The following MAD1L1 variants were observed in gnomAD, a reference collection of about 807,000 sequenced individuals.
MAD1L1 encodes the protein mitotic arrest deficient 1 like 1.
In MAD1L1, 95 loss-of-function variants were observed where a neutral mutation model predicts 96.9. That is an observed-to-expected ratio of 0.98 (90% CI 0.83 to 1.16). The LOEUF (loss-of-function observed/expected upper bound fraction) is 1.16, where lower values mean the gene tolerates loss of function less well. MAD1L1 is among the 50% of genes most tolerant of loss of function. The pLI is 0.00. For missense variants in MAD1L1, 1,007 were observed against 954.4 expected (o/e 1.06, Z -0.73); for synonymous variants, 473 against 396.6 (o/e 1.19, Z -2.29).
At chr7:2,212,204 A>C (rs1375586821) in intron 10 of MAD1L1, among the ~76,000 whole-genome samples, 3 of 152,170 alleles carry the variant, frequency 2.0e-5, no homozygotes, top group Non-Finnish European at 4.4e-5. Context: ...ACAGGACCAG[A>C]CCTGGGAACG....
chr7:1,959,372 A>T (rs982108586), intron 15 of MAD1L1, among the ~76,000 whole-genome samples: 1 of 152,224 alleles, frequency 6.6e-6, no homozygotes, highest in Non-Finnish European at 1.5e-5. Context: ...TCCCCAAAAG[A>T]AAGAAGGCAG....
chr7:2,137,016 G>A (rs780362943), intron 11 of MAD1L1, among the ~76,000 whole-genome samples: 1 of 152,160 alleles, frequency 6.6e-6, no homozygotes, highest in Non-Finnish European at 1.5e-5. Context: ...AGGAGGCCTC[G>A]AGGACCCCAC....
At chr7:1,994,678 T>G (rs557123323) in intron 14 of MAD1L1, among the ~76,000 whole-genome samples, 1 of 151,838 alleles carries the variant, frequency 6.6e-6, no homozygotes, top group Non-Finnish European at 1.5e-5. Flanking sequence ...AGCACCCTCA[T>G]AAAAGGGACC....
intron 12 of MAD1L1, among the ~76,000 whole-genome samples, chr7:2,020,185 GC>G (rs1397850689): frequency 6.6e-6 from 1 of 152,298 alleles, no homozygotes; most frequent in African/African-American, 2.4e-5. Flanking sequence ...CGGGGTCAGC[GC>G]CCAGCCCGGG....
chr7:2,149,441 C>G (rs113519033), intron 10 of MAD1L1, among the ~76,000 whole-genome samples: 4 of 152,260 alleles, frequency 2.6e-5, no homozygotes, highest in African/African-American at 9.6e-5. Flanking sequence ...TATGCAACAC[C>G]GGGGAGATGA....
intron 11 of MAD1L1, among the ~76,000 whole-genome samples, chr7:2,143,208 G>A (rs537018257): frequency 6.6e-5 from 10 of 151,902 alleles, no homozygotes; most frequent in South Asian, 2.1e-4. Flanking sequence ...AGACTCGCTC[G>A]GAGAGCCACT....
At chr7:2,211,290 G>C (rs1274298366) in intron 10 of MAD1L1, among the ~76,000 whole-genome samples, 3 of 152,104 alleles carry the variant, frequency 2.0e-5, no homozygotes, top group Admixed American at 6.5e-5. Flanking sequence ...CCTCATGCTG[G>C]CCACGCCCAG....
In MAD1L1 at chr7:2,061,758, G is replaced by A. The variant is rs1255049052; in HGVS notation, c.1218+7436C>T. Among the ~76,000 whole-genome samples the A allele has an allele frequency of 2.6e-5, 4 of 152,390 alleles. No homozygotes were observed. The East Asian group carries it at 5.8e-4, about 22-fold the overall frequency. On this transcript the variant is annotated intron_variant, in intron 12 of 18. Coordinates refer to ENST00000265854, the MANE Select transcript of MAD1L1 (RefSeq NM_001013836.2). ...AACACCCCCATGCTGGAAACCATCC[G>A]ATGTCGGGTACAGCCAAGTGTATTT...
chr7:2,049,965 C>T (rs533436446), intron 12 of MAD1L1, among the ~76,000 whole-genome samples: 2 of 151,076 alleles, frequency 1.3e-5, no homozygotes, highest in Admixed American at 6.6e-5. Flanking sequence ...CCAACGTCTG[C>T]GGGCACCAGA....
At chr7:1,820,641 C>G (rs886917252) in intron 18 of MAD1L1, among the ~76,000 whole-genome samples, 1 of 151,912 alleles carries the variant, frequency 6.6e-6, no homozygotes, top group African/African-American at 2.4e-5. Context: ...CACCTGTAGC[C>G]CCAGGTATGT....
At chr7:2,224,297 T>G (rs1793766381) in intron 4 of MAD1L1, among the ~76,000 whole-genome samples, 1 of 152,114 alleles carries the variant, frequency 6.6e-6, no homozygotes. Context: ...TCTCAGTAGT[T>G]AGGGAGACTC....
chr7:2,043,758 CCCCAGG>C (rs1314522865), intron 12 of MAD1L1, among the ~76,000 whole-genome samples: 1 of 152,230 alleles, frequency 6.6e-6, no homozygotes, highest in Non-Finnish European at 1.5e-5. Flanking sequence ...TCCTGCCAGG[CCCCAGG>C]GAGCCCTGAG....
rs1396921991 is a variant in MAD1L1 at position 2,119,519 on chromosome 7, C to A, written c.1073+29633G>T. On this transcript the variant is annotated intron_variant, in intron 11 of 18. Coordinates refer to ENST00000265854, the MANE Select transcript of MAD1L1 (RefSeq NM_001013836.2). The surrounding 1 kb of genome is among the most constrained non-coding windows in gnomAD (Gnocchi z 4.6). ...TCCTCCTGGCCCTGTGCAAGTTGAC[C>A]CCAGGCAGCTCTCAGGTCCCGACTG... 6.6e-6 allele frequency among the ~76,000 whole-genome samples: 1 copy of A among 152,156 alleles called. No individual in the cohort carries two copies. Among genetic ancestry groups the A allele is most frequent in the Non-Finnish European group, 1.5e-5 (1 of 68,026 alleles).
intron 10 of MAD1L1, among the ~76,000 whole-genome samples, chr7:2,152,347 C>T (rs1789619328): frequency 6.6e-6 from 1 of 152,242 alleles, no homozygotes; most frequent in Admixed American, 6.5e-5. Flanking sequence ...CCCAACACCT[C>T]CCACGGGCAG....
chr7:2,223,921 A>T (rs891769505), intron 4 of MAD1L1, among the ~76,000 whole-genome samples: 6 of 152,186 alleles, frequency 3.9e-5, no homozygotes, highest in Non-Finnish European at 8.8e-5. Flanking sequence ...CTGGGGTCCC[A>T]TGCAGCTGTG....
chr7:1,947,195 G>C (rs1367045205), intron 16 of MAD1L1, among the ~76,000 whole-genome samples: 1 of 152,180 alleles, frequency 6.6e-6, no homozygotes, highest in African/African-American at 2.4e-5. Flanking sequence ...TGGGCCCTTG[G>C]CTGCCCCGGG....
intron 18 of MAD1L1, among the ~76,000 whole-genome samples, chr7:1,866,057 C>A (rs1784763859): frequency 6.6e-6 from 1 of 152,232 alleles, no homozygotes; most frequent in Non-Finnish European, 1.5e-5. Flanking sequence ...CTTGGGATAG[C>A]CAGGGATGTC....
intron 11 of MAD1L1, among the ~76,000 whole-genome samples, chr7:2,077,087 TTGGTGAGCCCGCGGCA>T (rs1038367795): frequency 1.6e-5 from 2 of 123,104 alleles, no homozygotes; most frequent in African/African-American, 7.1e-5. Context: ...GAGTTACGAC[TTGGTGAGCCCGCGGCA>T]TGGTGAGCCC....
chr7:2,228,867 A>G (rs910410245), intron 3 of MAD1L1, among the ~76,000 whole-genome samples: 5 of 151,842 alleles, frequency 3.3e-5, no homozygotes, highest in Non-Finnish European at 7.4e-5. Context: ...CAGCCTCCCG[A>G]GTAGCTGGGA....
Sources: allele counts gnomAD v4.1 joint callset (sites outside exome capture counted in the v4.1 genomes callset), GRCh38; gene constraint gnomAD v4.1.1; non-coding constraint Gnocchi (gnomAD v3.1); transcripts MANE v1.5; gene names NCBI Gene and HGNC (gene_info 2026-07-23, HGNC 2026-07-21).